Variants in UGGT1 observed in about 807,000 individuals in gnomAD.
The protein encoded by UGGT1 is UDP-glucose glycoprotein glucosyltransferase 1.
In UGGT1, 107 loss-of-function variants were observed where a neutral mutation model predicts 203.9. That is an observed-to-expected ratio of 0.52 (90% CI 0.45 to 0.62). The LOEUF (loss-of-function observed/expected upper bound fraction) is 0.62, where lower values mean the gene tolerates loss of function less well. Ranked by LOEUF, UGGT1 falls within the 20% of genes least tolerant of loss-of-function variation. The probability of loss-of-function intolerance (pLI) is 0.00; values close to 1 mark genes in which losing one functional copy is unlikely to be tolerated. For synonymous variants in UGGT1, 628 were observed against 653.5 expected (o/e 0.96, Z 0.59); for missense variants, 1,673 against 1,867.2 (o/e 0.90, Z 1.92).
chr2:128,187,421 G>T (rs1171083800), intron 39 of UGGT1, 28 bp from the exon 40 acceptor site: 3 of 1,605,372 alleles, frequency 1.9e-6, no homozygotes, highest in Non-Finnish European at 2.6e-6. Context: ...CTTCAACTCA[G>T]CTGAAGTGTG....
At chr2:128,137,516 G>A (rs1207588773) in intron 15 of UGGT1, among the ~76,000 whole-genome samples, 1 of 152,094 alleles carries the variant, frequency 6.6e-6, no homozygotes, top group Non-Finnish European at 1.5e-5. Context: ...CTTTCATTCT[G>A]TTAATAGTAT....
At chr2:128,132,167 A>G (rs997316953) in intron 13 of UGGT1, among the ~76,000 whole-genome samples, 3 of 149,998 alleles carry the variant, frequency 2.0e-5, no homozygotes, top group African/African-American at 7.4e-5. Flanking sequence ...TCTTATGTTT[A>G]TTGCCCATTT....
chr2:128,179,958 T>C (rs1691603751), intron 35 of UGGT1, 88 bp downstream of exon 35: 1 of 1,236,846 alleles, frequency 8.1e-7, no homozygotes, highest in Non-Finnish European at 1.1e-6. Flanking sequence ...CTGTATACTT[T>C]AGCAAATTTT....
chr2:128,097,424 T>C lies in UGGT1; in HGVS notation c.59-5T>C. 6.2e-7 allele frequency: 1 copy of C among 1,600,928 alleles called. No individual in the cohort carries two copies. On this transcript the variant is annotated splice_region_variant and splice_polypyrimidine_tract_variant and intron_variant, in intron 1 of 40. Coordinates refer to ENST00000259253, the MANE Select transcript of UGGT1 (RefSeq NM_020120.4). ...GCAAAACTTCTTTTCTTTTTTTCCT[T>C]TTAGGAGTTTGCTATAAAATGGGAG...
intron 32 of UGGT1, 98 bp downstream of exon 32, chr2:128,176,996 A>G (rs1018897637): frequency 2.0e-5 from 25 of 1,226,342 alleles, no homozygotes; most frequent in African/African-American, 1.2e-4. Flanking sequence ...GGAATTTGCT[A>G]TGGCAATTAT....
intron 16 of UGGT1, among the ~76,000 whole-genome samples, chr2:128,141,892 C>T (rs972301879): frequency 2.6e-5 from 4 of 151,684 alleles, no homozygotes; most frequent in East Asian, 3.9e-4. Flanking sequence ...CCTCATCCCT[C>T]CTAAACATCG....
At chr2:128,164,230 AAT>A (rs767239039) in intron 25 of UGGT1, among the ~76,000 whole-genome samples, 33 of 152,324 alleles carry the variant, frequency 2.2e-4, no homozygotes, top group Admixed American at 7.8e-4. Flanking sequence ...GGATTTTTAT[AAT>A]ATGTTTTTAA....
At chr2:128,140,619 G>T (rs1689373604) in intron 16 of UGGT1, 2 of 152,138 alleles carry the variant, frequency 1.3e-5, no homozygotes, top group Non-Finnish European at 2.9e-5. Context: ...ACTGCAGGCT[G>T]TGCAGAGCCA....
In UGGT1 at chr2:128,172,777, A is replaced by G. The variant is rs1558818471; in HGVS notation, c.3294+15A>G. On this transcript the variant is annotated intron_variant, in intron 29 of 40. Transcript: ENST00000259253. ...ATTTAGAAGAGGTAAGACCATATCT[A>G]TTGCTTCCAAATACCTAATCATGTA... 3.1e-6 allele frequency: 5 copies of G among 1,606,054 alleles called. No homozygotes were observed. Among genetic ancestry groups the G allele is most frequent in the Middle Eastern group, 1.7e-4 (1 of 5,980 alleles).
intron 30 of UGGT1, 86 bp from the exon 31 acceptor site, chr2:128,174,687 T>A: frequency 9.0e-7 from 1 of 1,110,540 alleles, no homozygotes; most frequent in Non-Finnish European, 1.3e-6. Context: ...AGTTGATTGA[T>A]ATTTCAGAAA....
intron 26 of UGGT1, among the ~76,000 whole-genome samples, chr2:128,167,314 C>G (rs558537080): frequency 5.7e-4 from 87 of 152,260 alleles, no homozygotes; most frequent in African/African-American, 2.0e-3. Context: ...TATTATGAGA[C>G]AAATTATAAT....
chr2:128,158,040 A>G (rs1331618742), intron 22 of UGGT1, among the ~76,000 whole-genome samples: 1 of 152,164 alleles, frequency 6.6e-6, no homozygotes, highest in East Asian at 1.9e-4. Context: ...AGTTTTACTC[A>G]TATGCCGAGT....
chr2:128,159,811 AT>A, intron 23 of UGGT1, 91 bp downstream of exon 23: 2 of 1,324,094 alleles, frequency 1.5e-6, no homozygotes, highest in Non-Finnish European at 2.1e-6. Context: ...CATGATCACG[AT>A]TTGTCATTTT....
intron 37 of UGGT1, 66 bp downstream of exon 37, chr2:128,182,356 A>T: frequency 6.5e-7 from 1 of 1,532,306 alleles, no homozygotes; most frequent in Non-Finnish European, 8.8e-7. Context: ...TGTGTGGTTA[A>T]AATTGTGAAT....
chr2:128,152,723 A>C, intron 18 of UGGT1, 61 bp from the exon 19 acceptor site: 1 of 1,562,122 alleles, frequency 6.4e-7, no homozygotes, highest in Non-Finnish European at 8.6e-7. Flanking sequence ...GTTCCTAATG[A>C]ATTATTATTG....
intron 28 of UGGT1, among the ~76,000 whole-genome samples, chr2:128,171,751 G>A (rs539631280): frequency 5.1e-4 from 77 of 152,136 alleles, no homozygotes; most frequent in African/African-American, 1.4e-3. Flanking sequence ...CAAGTGATCC[G>A]TCTGCCTCAC....
At chr2:128,149,410 C>T (rs554788044) in intron 18 of UGGT1, among the ~76,000 whole-genome samples, 14 of 146,596 alleles carry the variant, frequency 9.6e-5, no homozygotes, top group Middle Eastern at 3.8e-3. Context: ...TTTGGGAGGC[C>T]GAGGCGGGCG....
At chr2:128,125,530 C>G (rs1011448285) in intron 11 of UGGT1, among the ~76,000 whole-genome samples, 1 of 152,168 alleles carries the variant, frequency 6.6e-6, no homozygotes, top group Non-Finnish European at 1.5e-5. Context: ...TCACCCACCT[C>G]TCTTCCAGCT....
At chr2:128,153,559 T>C (rs936002099) in intron 19 of UGGT1, among the ~76,000 whole-genome samples, 15 of 152,346 alleles carry the variant, frequency 9.8e-5, no homozygotes, top group African/African-American at 3.1e-4. Context: ...TAATCTACTT[T>C]CTGTGTCTAT....
Sources: allele counts gnomAD v4.1 joint callset (sites outside exome capture counted in the v4.1 genomes callset), GRCh38; gene constraint gnomAD v4.1.1; transcripts MANE v1.5; gene names NCBI Gene and HGNC (gene_info 2026-07-23, HGNC 2026-07-21).